Variants in BTBD2 observed in about 807,000 individuals in gnomAD.
BTBD2 encodes BTB domain containing 2, also known as BTB/POZ domain-containing protein 2.
BTBD2 carries 15 observed loss-of-function variants against 44.0 expected under a neutral mutation model. The ratio of observed to expected loss-of-function variants is 0.34; its 90% CI spans 0.23 to 0.53. BTBD2 has a LOEUF of 0.53. BTBD2 is among the 20% of genes least tolerant of loss of function. The pLI is 0.95. For synonymous variants in BTBD2, 443 were observed against 335.9 expected, an observed-to-expected ratio of 1.32 and a Z score of -3.49; for missense variants, 657 against 746.4, an observed-to-expected ratio of 0.88 and a Z score of 1.39.
At chr19:1,990,286 C>G (rs912441256) in intron 4 of BTBD2, 85 bp from the exon 5 acceptor site, 11 of 1,451,356 alleles carry the variant, frequency 7.6e-6, no homozygotes, top group Middle Eastern at 2.0e-4. Context: ...TGAGGACCAG[C>G]AGTTAAAGCC....
At chr19:1,998,859 C>T (rs575825371) in intron 1 of BTBD2, among the ~76,000 whole-genome samples, 86 of 152,208 alleles carry the variant, frequency 5.7e-4, no homozygotes, top group Admixed American at 1.6e-3. Context: ...GCTCGGCCTG[C>T]GCGCGGCGGA....
rs147342098 is a variant in BTBD2, at chr19:2,001,863, G to A, written c.408-4400C>T. Among the ~76,000 whole-genome samples, 1,420 of 151,868 alleles carry A rather than the reference G, an allele frequency of 9.4e-3. 31 individuals carry two copies. The highest frequency in any genetic ancestry group is 0.033 in the African/African-American group (1,362 of 41,408). ...AGTGAGCCTCCTACTTCAGCCTCCC[G>A]AGTAGCTGGGACTACAAGCATAGCA... On this transcript the variant is annotated intron_variant, in intron 1 of 8. Coordinates refer to ENST00000255608, the MANE Select transcript of BTBD2 (RefSeq NM_017797.4).
At chr19:1,986,779 C>T (rs1316863784) in intron 8 of BTBD2, 51 bp downstream of exon 8, 2 of 1,572,500 alleles carry the variant, frequency 1.3e-6, no homozygotes, top group South Asian at 1.2e-5. Flanking sequence ...CCGGTGGCTT[C>T]AGGATGGGCC....
intron 3 of BTBD2, among the ~76,000 whole-genome samples, chr19:1,992,270 A>T (rs190107634): frequency 3.7e-4 from 56 of 150,928 alleles, no homozygotes; most frequent in African/African-American, 1.3e-3. Flanking sequence ...TTTATGAAAT[A>T]TTTTTTTTTA....
chr19:2,015,696 G>A lies in BTBD2; in HGVS notation c.8C>T (p.Ala3Val). The change falls in exon 1 of 9, where the codon GCG (alanine) becomes GTG (valine). Residue 3 changes from alanine to valine, a missense_variant. This residue lies in a region of BTBD2 where 191 missense variants were observed against 188.5 expected (regional missense o/e 1.01). Transcript: ENST00000255608. MAAGGSGGRASCP... is the reference protein window; with the variant it reads MAVGGSGGRASCP... ...CGACGCACGCCCGCCGCTCCCACCC[G>A]CCGCCATTTTGTGGCTGCGGCGTGG... The A allele has an allele frequency of 2.1e-6, 2 of 974,720 alleles. No homozygotes were observed. Among genetic ancestry groups the A allele is most frequent in the East Asian group, 8.9e-5 (1 of 11,194 alleles). The allele number at this position is 974,720 out of a possible 1,614,324, so 60.4% of individuals were successfully genotyped here.
intron 1 of BTBD2, among the ~76,000 whole-genome samples, chr19:2,010,223 A>G (rs996941992): frequency 6.6e-6 from 1 of 152,216 alleles, no homozygotes; most frequent in Non-Finnish European, 1.5e-5. Flanking sequence ...CAAAAGTGCA[A>G]CCCTGGAGAT....
intron 1 of BTBD2, among the ~76,000 whole-genome samples, chr19:2,011,493 G>A (rs2016464576): frequency 6.6e-6 from 1 of 152,130 alleles, no homozygotes; most frequent in East Asian, 1.9e-4. Context: ...TGGGCTCTGG[G>A]CCTTCCATCC....
chr19:1,998,709 A>G (rs889617901), intron 1 of BTBD2, among the ~76,000 whole-genome samples: 3 of 152,040 alleles, frequency 2.0e-5, no homozygotes, highest in African/African-American at 7.2e-5. Flanking sequence ...CTGTCCATGT[A>G]CAGTCCCCAG....
chr19:2,009,089 G>T (rs372455769), intron 1 of BTBD2, among the ~76,000 whole-genome samples: 2 of 151,944 alleles, frequency 1.3e-5, no homozygotes, highest in East Asian at 1.9e-4. Flanking sequence ...CACAATCCTG[G>T]CTCACTGCAA....
Position 1,987,827 on chromosome 19 carries a change from G to A in BTBD2, c.989-135C>T, listed in dbSNP as rs577995907. ...GCAGGGACCTGGGCAGCCCCTCCCC[G>A]GGGGACTAGCCACCAGCCATGGCCC... On this transcript the variant is annotated intron_variant, in intron 5 of 8. Coordinates refer to ENST00000255608, the MANE Select transcript of BTBD2 (RefSeq NM_017797.4). The A allele has an allele frequency of 1.9e-4, 171 of 891,034 alleles. No homozygotes were observed. In the African/African-American group the frequency reaches 2.5e-3, roughly 13 times the overall value. 55.2% of individuals were successfully genotyped at this position (891,034 alleles called of 1,614,324 possible). A position where few individuals can be genotyped will look rare whatever the true frequency, so the allele number is the denominator to read the frequency against.
At chr19:2,008,219 C>G (rs2016418936) in intron 1 of BTBD2, among the ~76,000 whole-genome samples, 1 of 151,862 alleles carries the variant, frequency 6.6e-6, no homozygotes, top group South Asian at 2.1e-4. Flanking sequence ...TGCCAGGCTG[C>G]TCTCAAACTC....
At chr19:1,991,089 T>C in intron 3 of BTBD2, 1 of 392,378 alleles carries the variant, frequency 2.5e-6, no homozygotes, top group South Asian at 2.7e-5. Flanking sequence ...CTCAGGTCCC[T>C]GTCGGCAGGG....
rs139040391 is a variant in BTBD2 at position 1,989,727 on chromosome 19, C to T, written c.988+277G>A. 293 of 495,192 alleles carry T rather than the reference C, an allele frequency of 5.9e-4. 3 individuals are homozygous for T. The highest frequency in any genetic ancestry group is 4.6e-3 in the African/African-American group (237 of 51,780). 30.7% of individuals were successfully genotyped at this position (495,192 alleles called of 1,614,324 possible). On this transcript the variant is annotated intron_variant, in intron 5 of 8. Coordinates refer to ENST00000255608, the MANE Select transcript of BTBD2 (RefSeq NM_017797.4). Reference sequence around the variant, plus strand: ...CAGCAGGTAGCACAAGGGCGCGAGACGGGGACTCCCTTCCCTCCTGGGAAG... The same window carrying T: ...CAGCAGGTAGCACAAGGGCGCGAGATGGGGACTCCCTTCCCTCCTGGGAAG...
chr19:2,004,092 A>G (rs2016363987), intron 1 of BTBD2, among the ~76,000 whole-genome samples: 1 of 151,728 alleles, frequency 6.6e-6, no homozygotes, highest in African/African-American at 2.4e-5. Context: ...CTTACCTATG[A>G]CCTGGAAGCC....
intron 2 of BTBD2, 51 bp from the exon 3 acceptor site, chr19:1,993,227 C>G: frequency 6.4e-7 from 1 of 1,557,840 alleles, no homozygotes; most frequent in East Asian, 2.4e-5. Context: ...TGCCCGCCCC[C>G]AGGGGAGAGC....
intron 1 of BTBD2, among the ~76,000 whole-genome samples, chr19:2,011,191 A>G (rs1226139785): frequency 6.6e-6 from 1 of 150,432 alleles, no homozygotes; most frequent in Non-Finnish European, 1.5e-5. Context: ...AAGTCTGGGG[A>G]CCCCCACCAC....
At chr19:2,002,130 G>A (rs527957128) in intron 1 of BTBD2, among the ~76,000 whole-genome samples, 19 of 152,178 alleles carry the variant, frequency 1.2e-4, no homozygotes, top group African/African-American at 4.6e-4. Flanking sequence ...CACCCAGGCT[G>A]AAGTGCAGTG....
chr19:1,994,795 C>A (rs529443192), intron 2 of BTBD2, among the ~76,000 whole-genome samples: 238 of 152,122 alleles, frequency 1.6e-3, no homozygotes, highest in Non-Finnish European at 2.8e-3. Context: ...TTTTTTCTCT[C>A]CCAGCCTGTG....
intron 6 of BTBD2, 51 bp from the exon 7 acceptor site, chr19:1,987,304 G>A (rs1241854593): frequency 6.3e-7 from 1 of 1,594,478 alleles, no homozygotes; most frequent in Non-Finnish European, 8.6e-7. Flanking sequence ...GATAGCCTAA[G>A]GTGAGCTGGG....
Sources: gnomAD v4.1 joint callset for allele counts (sites outside exome capture counted in the v4.1 genomes callset) on GRCh38, gnomAD v4.1.1 for gene constraint, gnomAD v4.1.1 regional missense constraint, MANE v1.5 for transcripts, NCBI Gene and HGNC (gene_info 2026-07-23, HGNC 2026-07-21) for gene names.